The following EPS15L1 variants were observed in gnomAD, a reference collection of about 807,000 sequenced individuals.
EPS15L1 encodes the protein epidermal growth factor receptor substrate 15-like 1.
In EPS15L1, 43 loss-of-function variants were observed where a neutral mutation model predicts 117.1. That is an observed-to-expected ratio of 0.37 (90% confidence interval 0.29 to 0.47). The LOEUF is 0.47. Among genes scored for constraint, EPS15L1 ranks in the 20% least tolerant of loss-of-function variants. EPS15L1 has a pLI of 0.99. For synonymous variants in EPS15L1, 459 were observed against 470.5 expected (o/e 0.98, Z 0.32); for missense variants, 981 against 1,164.0 (o/e 0.84, Z 2.29).
chr19:16,396,048 A>G (rs1045688986), intron 16 of EPS15L1, among the ~76,000 whole-genome samples: 11 of 152,132 alleles, frequency 7.2e-5, no homozygotes, highest in African/African-American at 2.7e-4. Context: ...TGGAGGTTAC[A>G]GTGAGCTATG....
intron 1 of EPS15L1, among the ~76,000 whole-genome samples, chr19:16,465,078 CAA>C (rs879397946): frequency 8.6e-5 from 9 of 104,826 alleles, no homozygotes; most frequent in Middle Eastern, 5.3e-3. Flanking sequence ...GACTTAGTCT[CAA>C]AAAAAAAAAA....
intron 1 of EPS15L1, among the ~76,000 whole-genome samples, chr19:16,464,882 C>CA (rs1222057465): frequency 6.6e-6 from 1 of 151,280 alleles, no homozygotes; most frequent in African/African-American, 2.4e-5. Flanking sequence ...AGATCGAGAC[C>CA]ATCCTGCCTA....
intron 22 of EPS15L1, among the ~76,000 whole-genome samples, chr19:16,373,691 T>C (rs1043648656): frequency 1.3e-5 from 2 of 152,006 alleles, no homozygotes; most frequent in African/African-American, 4.8e-5. Flanking sequence ...GGGAAGGGAA[T>C]TGTACAGAGC....
intron 6 of EPS15L1, 94 bp from the exon 7 acceptor site, chr19:16,434,584 C>A: frequency 7.4e-7 from 1 of 1,349,502 alleles, no homozygotes; most frequent in South Asian, 1.3e-5. Flanking sequence ...AAAATGGCCA[C>A]GGACCCATCA....
chr19:16,360,907 T>G (rs529015133), intron 23 of EPS15L1, among the ~76,000 whole-genome samples: 1 of 152,144 alleles, frequency 6.6e-6, no homozygotes, highest in South Asian at 2.1e-4. Flanking sequence ...ATAACACATC[T>G]CACACCTAAT....
chr19:16,437,718 C>A (rs2092991766), intron 5 of EPS15L1, 52 bp downstream of exon 5: 1 of 1,307,998 alleles, frequency 7.6e-7, no homozygotes, highest in Non-Finnish European at 1.1e-6. Flanking sequence ...CATACACACA[C>A]ACACACATCT....
At chr19:16,392,211 G>A (rs762864737) in intron 19 of EPS15L1, 93 bp downstream of exon 19, 158 of 1,425,814 alleles carry the variant, frequency 1.1e-4, no homozygotes, top group Non-Finnish European at 1.4e-4. Context: ...CACCATGTAC[G>A]CTCCACGAAG....
intron 21 of EPS15L1, among the ~76,000 whole-genome samples, chr19:16,380,608 TAGTCACACTGACAC>T (rs982683106): frequency 5.9e-5 from 9 of 152,198 alleles, no homozygotes; most frequent in Non-Finnish European, 7.3e-5. Flanking sequence ...TCTAAGGCTC[TAGTCACACTGACAC>T]AGTCACACTG....
chr19:16,447,704 G>C (rs1443550329), intron 1 of EPS15L1, among the ~76,000 whole-genome samples: 1 of 151,500 alleles, frequency 6.6e-6, no homozygotes, highest in Non-Finnish European at 1.5e-5. Context: ...AGGCTGCAGT[G>C]AGCCGAGATC....
At chr19:16,429,949 C>G (rs999973436) in intron 7 of EPS15L1, among the ~76,000 whole-genome samples, 4 of 152,206 alleles carry the variant, frequency 2.6e-5, no homozygotes, top group Non-Finnish European at 4.4e-5. Flanking sequence ...CATTCCTGGC[C>G]TTGACCCACC....
At chr19:16,439,908 G>T (rs2093013469) in intron 4 of EPS15L1, among the ~76,000 whole-genome samples, 1 of 150,446 alleles carries the variant, frequency 6.6e-6, no homozygotes, top group South Asian at 2.1e-4. Context: ...GGTATCAGAA[G>T]AGTTTCAGAT....
chr19:16,449,875 A>C (rs984042425), intron 1 of EPS15L1, among the ~76,000 whole-genome samples: 1 of 152,252 alleles, frequency 6.6e-6, no homozygotes, highest in African/African-American at 2.4e-5. Flanking sequence ...CCAGAGAATT[A>C]TGCTGAATGA....
Position 16,428,682 on chromosome 19 carries a change from G to A in EPS15L1, c.558+20C>T, listed in dbSNP as rs759812003. On this transcript the variant is annotated intron_variant, in intron 8 of 23. Transcript: ENST00000455140. ...ACATTTCCTTCCTGGGCTGGGTGGGGAGGAAACAGCAGGACTTACCACAGC... is the reference window on the plus strand; with the variant it reads ...ACATTTCCTTCCTGGGCTGGGTGGGAAGGAAACAGCAGGACTTACCACAGC... 3.1e-6 allele frequency: 5 copies of A among 1,606,552 alleles called. No individual in the cohort carries two copies. The South Asian group carries it at 5.6e-5, about 18-fold the overall frequency.
intron 22 of EPS15L1, among the ~76,000 whole-genome samples, chr19:16,373,761 C>T (rs1676071118): frequency 1.3e-5 from 2 of 152,162 alleles, no homozygotes; most frequent in Admixed American, 1.3e-4. Flanking sequence ...CTTTGCAATT[C>T]CCCAAAGAGC....
chr19:16,406,247 T>C (rs1025102710), intron 13 of EPS15L1, among the ~76,000 whole-genome samples: 2 of 152,134 alleles, frequency 1.3e-5, no homozygotes, highest in Non-Finnish European at 2.9e-5. Flanking sequence ...GGGGTCTCCG[T>C]TCCCCAGTCT....
Position 16,361,898 on chromosome 19 carries a change from C to A in EPS15L1, c.2467G>T (p.Asp823Tyr), listed in dbSNP as rs768437608. ...PFQPLGADSG[D>Y]PFQSKKGFGD... ...AACCCCTTTTTACTTTGGAACGGGTCGCCGCTGTCAGCCCCGAGTGGCTGG... is the reference window on the plus strand; with the variant it reads ...AACCCCTTTTTACTTTGGAACGGGTAGCCGCTGTCAGCCCCGAGTGGCTGG... Residue 823 changes from aspartate (D) to tyrosine (Y), a missense_variant, in exon 23 of 24, where the codon GAC (aspartate) becomes TAC (tyrosine). Around this residue, in one of 5 missense-constraint regions of EPS15L1, gnomAD observed 819 missense variants for 949.0 expected, o/e 0.86. Coordinates refer to ENST00000455140, the MANE Select transcript of EPS15L1 (RefSeq NM_001258374.3). 6.2e-7 allele frequency: 1 copy of A among 1,614,034 alleles called. No individual in the cohort carries two copies. Among genetic ancestry groups the A allele is most frequent in the South Asian group, 1.1e-5 (1 of 91,062 alleles).
chr19:16,451,473 G>A (rs556021242), intron 1 of EPS15L1, among the ~76,000 whole-genome samples: 14 of 151,810 alleles, frequency 9.2e-5, no homozygotes, highest in Non-Finnish European at 1.2e-4. Flanking sequence ...AAAGGAAAAC[G>A]GTCTTAACTG....
At chr19:16,448,049 A>G (rs2093101319) in intron 1 of EPS15L1, among the ~76,000 whole-genome samples, 5 of 152,228 alleles carry the variant, frequency 3.3e-5, no homozygotes, top group African/African-American at 1.2e-4. Context: ...CATCCATAGG[A>G]AAAACATGGG....
chr19:16,358,669 G>A (rs934543586), intron 23 of EPS15L1, among the ~76,000 whole-genome samples: 8 of 152,354 alleles, frequency 5.3e-5, no homozygotes, highest in South Asian at 4.1e-4. Context: ...CACGCTGGGC[G>A]ATGGGATGGC....
Sources: allele counts gnomAD v4.1 joint callset (sites outside exome capture counted in the v4.1 genomes callset), GRCh38; gene constraint gnomAD v4.1.1; regional missense constraint gnomAD v4.1.1; transcripts MANE v1.5; gene names NCBI Gene and HGNC (gene_info 2026-07-23, HGNC 2026-07-21).